CPAMD8: variants seen among roughly 807,000 people sequenced by gnomAD.
CPAMD8 encodes the protein C3 and PZP like alpha-2-macroglobulin domain containing 8.
In CPAMD8, 146 loss-of-function variants were observed where a neutral mutation model predicts 224.7. The observed-to-expected ratio is 0.65, with a 90% CI of 0.57 to 0.75. The LOEUF (loss-of-function observed/expected upper bound fraction) is 0.75. CPAMD8 is among the 30% of genes least tolerant of loss of function. CPAMD8 has a pLI of 0.00. For synonymous variants in CPAMD8, 966 were observed against 1,044.6 expected, an observed-to-expected ratio of 0.92 and a Z score of 1.45; for missense variants, 2,301 against 2,537.5, an observed-to-expected ratio of 0.91 and a Z score of 2.00.
chr19:16,928,372 C>T (rs1467060855), intron 24 of CPAMD8, 138 bp from the exon 25 acceptor site: 2 of 646,256 alleles, frequency 3.1e-6, no homozygotes, highest in African/African-American at 3.6e-5. Context: ...TTCGGGGAGT[C>T]AGAGGTGAGA....
chr19:16,925,982 A>T (rs1399212048), intron 25 of CPAMD8, among the ~76,000 whole-genome samples: 1 of 151,794 alleles, frequency 6.6e-6, no homozygotes, highest in Admixed American at 6.6e-5. Context: ...GCTGGTCTTG[A>T]ACTCCTGACC....
Position 16,929,187 on chromosome 19 carries a change from G to C in CPAMD8, c.2899C>G (p.Pro967Ala). Residue 967 changes from proline (P) to alanine (A), a missense_variant, in exon 24 of 42, where the codon CCA (proline) becomes GCA (alanine). By Grantham distance (27) the Pro-to-Ala change is conservative (BLOSUM62 -1). Transcript: ENST00000443236. ...ACATCAAAGCGGGTGAGGCGCAGTG[G>C]CCGCTGCACATACTGGAACTCATAC... Reference protein sequence around the residue: ...NKYEFQYVQRPLRLTRFDVAV... With the variant: ...NKYEFQYVQRALRLTRFDVAV... 6.2e-7 allele frequency: 1 copy of C among 1,613,940 alleles called. No homozygotes were observed. The highest frequency in any genetic ancestry group is 8.5e-7 in the Non-Finnish European group (1 of 1,179,916).
At chr19:16,935,278 A>G (rs2145008558) in intron 23 of CPAMD8, among the ~76,000 whole-genome samples, 1 of 152,260 alleles carries the variant, frequency 6.6e-6, no homozygotes. Context: ...TTCTATTTGT[A>G]CTTTTTATGT....
chr19:16,931,015 C>T (rs2053529521), intron 23 of CPAMD8, among the ~76,000 whole-genome samples: 1 of 152,202 alleles, frequency 6.6e-6, no homozygotes, highest in African/African-American at 2.4e-5. Context: ...CGAGGGCTAA[C>T]TCCCCAACCT....
At chr19:17,001,916 T>C (rs1044861273) in intron 9 of CPAMD8, among the ~76,000 whole-genome samples, 7 of 144,618 alleles carry the variant, frequency 4.8e-5, no homozygotes, top group African/African-American at 1.8e-4. Flanking sequence ...GGCCACATCC[T>C]GGGGAGGGGA....
rs1297453604 is a variant in CPAMD8, at chr19:16,896,642, G to C, written c.5089C>G (p.Pro1697Ala). 4 of 1,476,220 alleles carry C rather than the reference G, an allele frequency of 2.7e-6. No homozygotes were observed. The highest frequency in any genetic ancestry group is 3.6e-6 in the Non-Finnish European group (4 of 1,117,088). The allele number at this position is 1,476,220 out of a possible 1,614,324, so 91.4% of individuals were successfully genotyped here. Reference sequence around the variant, plus strand: ...GCCCCCTCCTCAGGGGCCACGGCAGGGCCCGACTCGCCGGGGAACCAGCCT... The same window carrying C: ...GCCCCCTCCTCAGGGGCCACGGCAGCGCCCGACTCGCCGGGGAACCAGCCT... Reference protein sequence around the residue: ...GPGWFPGESGPAVAPEEGAAI... With the variant: ...GPGWFPGESGAAVAPEEGAAI... The change falls in exon 40 of 42, where the codon CCT (proline) becomes GCT (alanine). Residue 1697 changes from proline to alanine, a missense_variant. Physicochemically the swap from Pro to Ala is conservative, Grantham distance 27. Coordinates refer to ENST00000443236, the MANE Select transcript of CPAMD8 (RefSeq NM_015692.5).
chr19:16,962,121 C>A (rs953698135), intron 18 of CPAMD8, among the ~76,000 whole-genome samples: 1 of 152,160 alleles, frequency 6.6e-6, no homozygotes, highest in East Asian at 1.9e-4. Context: ...TAAAAACCTG[C>A]GCGCCTCTTC....
At chr19:16,936,222 C>T (rs11673119) in intron 23 of CPAMD8, among the ~76,000 whole-genome samples, 4,312 of 151,738 alleles carry the variant, frequency 0.028, 88 homozygotes, top group South Asian at 0.062. Context: ...GCCACTGCGC[C>T]CAGCTCTATT....
rs374079295 is a variant in CPAMD8 at position 16,902,770 on chromosome 19, G to C, written c.4564C>G (p.Pro1522Ala). ...LQEPEAQGRP[P>A]PMPASAAEGS... is the part of the protein sequence containing the mutation. Reference sequence around the variant, plus strand: ...TCAGCTGCGGAGGCAGGCATGGGGGGCGGGCGTCCCTGGGCCTCAGGCTCC... The same window carrying C: ...TCAGCTGCGGAGGCAGGCATGGGGGCCGGGCGTCCCTGGGCCTCAGGCTCC... Residue 1522 changes from proline (P) to alanine (A), a missense_variant, in exon 35 of 42, where the codon CCC (proline) becomes GCC (alanine). Pro to Ala is a conservative substitution (Grantham distance 27). Coordinates refer to ENST00000443236, the MANE Select transcript of CPAMD8 (RefSeq NM_015692.5). 2 of 1,592,732 alleles carry C rather than the reference G, an allele frequency of 1.3e-6. No homozygotes were observed. Among genetic ancestry groups the C allele is most frequent in the East Asian group, 2.3e-5 (1 of 44,114 alleles).
intron 19 of CPAMD8, among the ~76,000 whole-genome samples, chr19:16,953,924 A>G (rs1481109322): frequency 6.6e-6 from 1 of 152,202 alleles, no homozygotes; most frequent in Non-Finnish European, 1.5e-5. Flanking sequence ...AACCACAATG[A>G]GATGCCACTT....
intron 16 of CPAMD8, among the ~76,000 whole-genome samples, 169 bp downstream of exon 16, chr19:16,975,833 G>A (rs1398556243): frequency 6.6e-6 from 1 of 152,180 alleles, no homozygotes; most frequent in Non-Finnish European, 1.5e-5. Flanking sequence ...GCAGCAGGAA[G>A]GATTTATCAG....
At chr19:16,906,549 A>G (rs1599669464) in intron 30 of CPAMD8, among the ~76,000 whole-genome samples, 1 of 149,036 alleles carries the variant, frequency 6.7e-6, no homozygotes, top group Non-Finnish European at 1.5e-5. Context: ...GGTTATAGGC[A>G]CCTGCCACCA....
intron 25 of CPAMD8, 45 bp downstream of exon 25, chr19:16,927,964 T>C (rs762255151): frequency 7.0e-7 from 1 of 1,428,112 alleles, no homozygotes; most frequent in Non-Finnish European, 9.9e-7. Flanking sequence ...CAACTTCGGC[T>C]CTTGCCCCCT....
At chr19:16,915,532 ATC>A (rs2052917573) in intron 27 of CPAMD8, among the ~76,000 whole-genome samples, 1 of 152,188 alleles carries the variant, frequency 6.6e-6, no homozygotes, top group Non-Finnish European at 1.5e-5. Context: ...AGCCAAAAAC[ATC>A]TCTGTTATGT....
At chr19:16,905,315 C>T (rs1399662672) in intron 30 of CPAMD8, among the ~76,000 whole-genome samples, 1 of 151,324 alleles carries the variant, frequency 6.6e-6, no homozygotes, top group South Asian at 2.1e-4. Flanking sequence ...CACGGTGGCT[C>T]ATGCCTGTAA....
intron 5 of CPAMD8, among the ~76,000 whole-genome samples, chr19:17,011,225 C>T (rs527778687): frequency 6.6e-6 from 1 of 152,044 alleles, no homozygotes; most frequent in African/African-American, 2.4e-5. Flanking sequence ...AAGCAACAGT[C>T]CAGGGCTACC....
Position 16,893,249 on chromosome 19 carries a change from A to C in CPAMD8, c.5517T>G (p.Thr1839=). 6.4e-7 allele frequency: 1 copy of C among 1,573,956 alleles called. No homozygotes were observed. The highest frequency in any genetic ancestry group is 8.6e-7 in the Non-Finnish European group (1 of 1,158,742). The change falls in exon 42 of 42, where the codon ACT becomes ACG. Residue 1839 remains threonine, a synonymous_variant. Coordinates refer to ENST00000443236, the MANE Select transcript of CPAMD8 (RefSeq NM_015692.5). ...SASPFHRWGQ[T]PAPQRHSGRV... is the part of the protein sequence containing the mutation. The stretch of plus-strand genomic sequence containing the variant: ...GGCCACTATGTCTCTGAGGGGCCGG[A>C]GTCTGGCCCCATCTGTGGAACGGGC...
intron 18 of CPAMD8, among the ~76,000 whole-genome samples, chr19:16,967,811 C>T (rs2054880595): frequency 9.8e-6 from 1 of 102,526 alleles, no homozygotes; most frequent in South Asian, 3.1e-4. Context: ...TCTGTCTCAC[C>T]AAAATATATA....
At chr19:16,904,109 G>T in intron 32 of CPAMD8, 117 bp downstream of exon 32, 1 of 1,182,866 alleles carries the variant, frequency 8.5e-7, no homozygotes, top group Non-Finnish European at 1.2e-6. Context: ...CCCTCTTTGG[G>T]GCTCCATAAG....
Sources: gnomAD v4.1 joint callset for allele counts (sites outside exome capture counted in the v4.1 genomes callset) on GRCh38, gnomAD v4.1.1 for gene constraint, MANE v1.5 for transcripts, NCBI Gene and HGNC (gene_info 2026-07-23, HGNC 2026-07-21) for gene names.